Variants in DMD observed in about 807,000 individuals in gnomAD.
DMD encodes the protein dystrophin, also known as mutant dystrophin.
DMD carries 63 observed loss-of-function variants against 330.1 expected under a neutral mutation model. The ratio of observed to expected loss-of-function variants is 0.19; its 90% CI spans 0.16 to 0.24. The LOEUF is 0.24. DMD is among the 10% of genes least tolerant of loss of function. The probability of loss-of-function intolerance (pLI) is 1.00; values close to 1 mark genes in which losing one functional copy is unlikely to be tolerated. For missense variants in DMD, 3,344 were observed against 2,684.1 expected (o/e 1.25, Z -5.43); for synonymous variants, 1,223 against 959.8 (o/e 1.27, Z -5.07).
chrX:31,452,850 A>G (rs1603031450), intron 59 of DMD, among the ~76,000 whole-genome samples: 2 of 111,765 alleles, frequency 1.8e-5, no homozygotes, highest in African/African-American at 6.5e-5. Context: ...TTTGGAAATG[A>G]GGAACAGGGA....
At chrX:33,158,683 G>A (rs2048621306) in intron 1 of DMD, among the ~76,000 whole-genome samples, 1 of 111,691 alleles carries the variant, frequency 9.0e-6, no homozygotes, top group African/African-American at 3.3e-5. Context: ...GAGCAGGCCT[G>A]TTGGTGACCA....
Position 32,720,428 on chromosome X carries a change from C to A in DMD, c.650-21135G>T, listed in dbSNP as rs190876745. Reference sequence around the variant, plus strand: ...AATCGTTTTTTTACTTAGCTCACATCCAAATGAGCAAATTACATTCATTTG... The same window carrying A: ...AATCGTTTTTTTACTTAGCTCACATACAAATGAGCAAATTACATTCATTTG... On this transcript the variant is annotated intron_variant, in intron 7 of 78. Coordinates refer to ENST00000357033, the MANE Select transcript of DMD (RefSeq NM_004006.3). Among the ~76,000 whole-genome samples, 342 of 112,034 alleles carry A rather than the reference C, an allele frequency of 3.1e-3. 2 individuals carry two copies. Among genetic ancestry groups the A allele is most frequent in the South Asian group, 0.012 (33 of 2,723 alleles).
chrX:31,269,161 G>A (rs1246154474), intron 62 of DMD, among the ~76,000 whole-genome samples: 2 of 111,301 alleles, frequency 1.8e-5, no homozygotes, highest in Non-Finnish European at 3.8e-5. Context: ...AATGACGCGG[G>A]CATCACAGAG....
chrX:32,456,950 C>A, intron 25 of DMD, among the ~76,000 whole-genome samples: 1 of 58,693 alleles, frequency 1.7e-5, no homozygotes, highest in African/African-American at 5.2e-5. Context: ...AGAAAGGGTC[C>A]AGATTGTTAA....
chrX:33,041,130 A>G (rs1271704138), intron 1 of DMD, among the ~76,000 whole-genome samples: 1 of 113,373 alleles, frequency 8.8e-6, no homozygotes, highest in African/African-American at 3.2e-5. Context: ...TACAAAGAGA[A>G]TAACAGTACC....
intron 1 of DMD, among the ~76,000 whole-genome samples, chrX:33,051,013 G>C (rs2094448991): frequency 9.0e-6 from 1 of 111,166 alleles, no homozygotes; most frequent in Non-Finnish European, 1.9e-5. Flanking sequence ...CAATAAACTT[G>C]TTTAAATACT....
chrX:32,884,314 T>G (rs1207865546), intron 2 of DMD, among the ~76,000 whole-genome samples: 1 of 111,230 alleles, frequency 9.0e-6, no homozygotes, highest in Non-Finnish European at 1.9e-5. Flanking sequence ...AGGCAGGAAA[T>G]GAGGAAAAGC....
chrX:32,482,621 A>C (rs766079734), intron 21 of DMD, among the ~76,000 whole-genome samples: 1 of 111,598 alleles, frequency 9.0e-6, no homozygotes, highest in South Asian at 3.8e-4. Flanking sequence ...ATTCGTGTAT[A>C]CGATCTAGTT....
chrX:31,811,927 A>T (rs750312387), intron 50 of DMD, among the ~76,000 whole-genome samples: 17 of 111,633 alleles, frequency 1.5e-4, no homozygotes, highest in Non-Finnish European at 3.0e-4. Flanking sequence ...AGGAATAAGA[A>T]TGCAAGAACT....
intron 17 of DMD, among the ~76,000 whole-genome samples, chrX:32,536,601 T>A (rs888212877): frequency 8.9e-6 from 1 of 112,013 alleles, no homozygotes; most frequent in African/African-American, 3.2e-5. Flanking sequence ...ATCAACTGAG[T>A]CACTGAACAA....
chrX:31,394,335 C>A (rs766818569), intron 60 of DMD, among the ~76,000 whole-genome samples: 1 of 112,430 alleles, frequency 8.9e-6, no homozygotes, highest in East Asian at 2.8e-4. Context: ...AAATATGATC[C>A]TTGTTAGCAG....
At chrX:32,988,894 G>A (rs990763862) in intron 2 of DMD, among the ~76,000 whole-genome samples, 2 of 111,094 alleles carry the variant, frequency 1.8e-5, no homozygotes, top group Non-Finnish European at 3.8e-5. Context: ...ATTTCTTTAA[G>A]AGATGGGCAT....
intron 71 of DMD, among the ~76,000 whole-genome samples, chrX:31,176,581 A>G (rs16998140): frequency 0.057 from 6,376 of 111,247 alleles, 288 homozygotes; most frequent in South Asian, 0.15. Context: ...GAGTAAATCC[A>G]TTCCCTTATC....
intron 1 of DMD, among the ~76,000 whole-genome samples, chrX:33,237,151 C>A (rs181687436): frequency 9.3e-6 from 1 of 108,106 alleles, no homozygotes; most frequent in African/African-American, 3.4e-5. Flanking sequence ...ATAAAACGCA[C>A]GCCATTGGTT....
rs148499403 is a variant in DMD at position 32,126,847 on chromosome X, T to C, written c.6438+90069A>G. Among the ~76,000 whole-genome samples, 459 of 111,993 alleles carry C rather than the reference T, an allele frequency of 4.1e-3. 3 individuals carry two copies. Among genetic ancestry groups the C allele is most frequent in the African/African-American group, 0.014 (439 of 30,864 alleles). On this transcript the variant is annotated intron_variant, in intron 44 of 78. Coordinates refer to ENST00000357033, the MANE Select transcript of DMD (RefSeq NM_004006.3). The stretch of plus-strand genomic sequence containing the variant: ...ACAGTTTAGTTTGTATTCAGGACAG[T>C]AGACACGTTTTATATACTATCATCC...
At chrX:31,434,053 G>A (rs921673164) in intron 60 of DMD, among the ~76,000 whole-genome samples, 4 of 111,294 alleles carry the variant, frequency 3.6e-5, no homozygotes, top group African/African-American at 1.3e-4. Flanking sequence ...TCAGATAGGG[G>A]AAACAGACTT....
chrX:33,125,578 G>T (rs1379163218), intron 1 of DMD, among the ~76,000 whole-genome samples: 1 of 111,580 alleles, frequency 9.0e-6, no homozygotes, highest in African/African-American at 3.3e-5. Context: ...AAAAGAAAGT[G>T]ACTACAATGA....
At chrX:32,014,323 C>T (rs747969310) in intron 44 of DMD, among the ~76,000 whole-genome samples, 38,439 of 109,836 alleles carry the variant, frequency 0.35, 7,110 homozygotes, top group African/African-American at 0.71. Context: ...AGATTCATTT[C>T]CATAATACTT....
intron 63 of DMD, among the ~76,000 whole-genome samples, chrX:31,235,929 T>A (rs772016691): frequency 1.8e-5 from 2 of 112,486 alleles, no homozygotes; most frequent in East Asian, 5.6e-4. Context: ...CAACACCCCT[T>A]CCCAAATTCT....
Sources: gnomAD v4.1 joint callset for allele counts (sites outside exome capture counted in the v4.1 genomes callset) on GRCh38, gnomAD v4.1.1 for gene constraint, MANE v1.5 for transcripts, NCBI Gene and HGNC (gene_info 2026-07-23, HGNC 2026-07-21) for gene names.